Variants in NCOA1 observed in about 807,000 individuals in gnomAD.
The protein encoded by NCOA1 is Hin-2 protein.
A neutral mutation model predicts 150.9 loss-of-function variants in NCOA1; 35 were observed. The ratio of observed to expected loss-of-function variants is 0.23; its 90% CI spans 0.18 to 0.31. NCOA1 has a LOEUF of 0.31. NCOA1 is among the 10% of genes least tolerant of loss of function. The pLI, the probability that NCOA1 is intolerant of heterozygous loss-of-function variation, is 1.00. For missense variants in NCOA1, 1,491 were observed against 1,749.3 expected, an observed-to-expected ratio of 0.85 and a Z score of 2.63; for synonymous variants, 590 against 630.0, an observed-to-expected ratio of 0.94 and a Z score of 0.95.
chr2:24,554,341 T>A (rs1665983336), intron 1 of NCOA1: 1 of 152,250 alleles, frequency 6.6e-6, no homozygotes, highest in East Asian at 1.9e-4. Flanking sequence ...TATCCCTGAT[T>A]TTTTGTTTGT....
At chr2:24,649,002 C>A (rs920418) in intron 4 of NCOA1, among the ~76,000 whole-genome samples, 1 of 151,856 alleles carries the variant, frequency 6.6e-6, no homozygotes, top group East Asian at 1.9e-4. Flanking sequence ...GTTCTGGCTT[C>A]TAGCTGTTTT....
At position 24,707,740 on chromosome 2, in the gene NCOA1, A is replaced by G. The variant is rs778575553; in HGVS notation, c.2270A>G (p.Glu757Gly). The change falls in exon 13 of 23, where the codon GAG becomes GGG. Residue 757 changes from glutamate to glycine, a missense_variant. Physicochemically the swap from Glu to Gly is moderately conservative, Grantham distance 98 (BLOSUM62 -2). This residue lies in a region of NCOA1 where 703 missense variants were observed against 717.7 expected (regional missense o/e 0.98). Transcript: ENST00000348332. ...CTACGCTATCTTTTAGATAAAGATGAGAAAGATTTAAGATCAACTCCAAAC... is the reference window on the plus strand; with the variant it reads ...CTACGCTATCTTTTAGATAAAGATGGGAAAGATTTAAGATCAACTCCAAAC... Reference protein sequence around the residue: ...QLLRYLLDKDEKDLRSTPNLS... With the variant: ...QLLRYLLDKDGKDLRSTPNLS... The G allele has an allele frequency of 1.8e-5, 29 of 1,614,092 alleles. No homozygotes were observed. The Admixed American group carries it at 4.7e-4, about 26-fold the overall frequency.
chr2:24,538,282 A>G (rs1255875699), intron 1 of NCOA1, among the ~76,000 whole-genome samples: 1 of 152,246 alleles, frequency 6.6e-6, no homozygotes, highest in Non-Finnish European at 1.5e-5. Context: ...AAGTCTTGGC[A>G]GAATGCTCAT....
chr2:24,708,295 A>G (rs1673564492), intron 13 of NCOA1, among the ~76,000 whole-genome samples: 1 of 152,202 alleles, frequency 6.6e-6, no homozygotes. Context: ...GAGATGGACA[A>G]GGTTACTTAG....
At chr2:24,629,914 G>A (rs983856538) in intron 3 of NCOA1, among the ~76,000 whole-genome samples, 2 of 147,772 alleles carry the variant, frequency 1.4e-5, no homozygotes, top group Admixed American at 1.4e-4. Flanking sequence ...CGTGATCTCG[G>A]CTCACTGCAA....
intron 5 of NCOA1, among the ~76,000 whole-genome samples, chr2:24,664,537 C>T (rs190616818): frequency 9.9e-5 from 15 of 152,050 alleles, no homozygotes; most frequent in Non-Finnish European, 1.9e-4. Context: ...GGTGAAACCC[C>T]GTCTCTACTA....
At chr2:24,617,619 G>A (rs1038956745) in intron 3 of NCOA1, among the ~76,000 whole-genome samples, 1 of 152,034 alleles carries the variant, frequency 6.6e-6, no homozygotes, top group Non-Finnish European at 1.5e-5. Flanking sequence ...TGATTAATGT[G>A]TACGTAACTG....
chr2:24,649,817 G>A (rs1329429330), intron 4 of NCOA1, among the ~76,000 whole-genome samples: 2 of 151,838 alleles, frequency 1.3e-5, no homozygotes, highest in East Asian at 1.9e-4. Context: ...AAGCATTGTC[G>A]CTTAGTCTGT....
intron 21 of NCOA1, among the ~76,000 whole-genome samples, chr2:24,762,078 A>C (rs1042587859): frequency 6.6e-6 from 1 of 152,162 alleles, no homozygotes; most frequent in African/African-American, 2.4e-5. Context: ...CATCCCCTTA[A>C]CTCAGGGAGC....
intron 3 of NCOA1, among the ~76,000 whole-genome samples, chr2:24,599,458 A>C (rs540397888): frequency 6.6e-6 from 1 of 152,316 alleles, no homozygotes; most frequent in South Asian, 2.1e-4. Context: ...TGACAAAGCA[A>C]CAAAAACTGT....
intron 7 of NCOA1, among the ~76,000 whole-genome samples, chr2:24,676,580 C>T (rs1047110405): frequency 6.6e-6 from 1 of 152,142 alleles, no homozygotes; most frequent in African/African-American, 2.4e-5. Flanking sequence ...TTTTCTTAAC[C>T]TCCAAACAAC....
At position 24,752,633 on chromosome 2, in the gene NCOA1, A is replaced by AAT. The variant is rs1318202595; in HGVS notation, c.3881+478_3881+479dup. Among the ~76,000 whole-genome samples the AAT allele has an allele frequency of 2.0e-5, 3 of 152,196 alleles. No individual in the cohort carries two copies. The East Asian group carries it at 5.8e-4, about 29-fold the overall frequency. ...AGAGCTTCCCTGGGACAGACATAGAAATGGGTACTTTTTTAAAAGTTTTTC... is the reference window on the plus strand; with the variant it reads ...AGAGCTTCCCTGGGACAGACATAGAAATATGGGTACTTTTTTAAAAGTTTTTC... On this transcript the variant is annotated intron_variant, in intron 20 of 22. Transcript: ENST00000348332.
intron 4 of NCOA1, among the ~76,000 whole-genome samples, chr2:24,652,859 CT>C (rs56355348): frequency 0.053 from 8,135 of 152,128 alleles, 300 homozygotes; most frequent in East Asian, 0.19. Context: ...CTTAATGATT[CT>C]TATTTAAGTA....
intron 10 of NCOA1, among the ~76,000 whole-genome samples, chr2:24,697,009 T>G (rs1672937329): frequency 6.6e-6 from 1 of 152,132 alleles, no homozygotes; most frequent in East Asian, 1.9e-4. Flanking sequence ...ATAACTTACC[T>G]GAATTCTCTC....
chr2:24,528,920 A>G (rs1055209075), intron 1 of NCOA1, among the ~76,000 whole-genome samples: 35 of 151,472 alleles, frequency 2.3e-4, no homozygotes, highest in African/African-American at 7.5e-4. Context: ...AGTCTCTCAC[A>G]TTCTTGCCCA....
chr2:24,521,768 TTGA>T (rs1301627262), intron 1 of NCOA1, among the ~76,000 whole-genome samples: 2 of 152,226 alleles, frequency 1.3e-5, no homozygotes, highest in Admixed American at 1.3e-4. Flanking sequence ...GCTGGATCAT[TTGA>T]TAACTCTGAT....
intron 11 of NCOA1, among the ~76,000 whole-genome samples, chr2:24,700,948 G>C (rs1673129089): frequency 6.6e-6 from 1 of 152,152 alleles, no homozygotes; most frequent in Non-Finnish European, 1.5e-5. Flanking sequence ...CACTTTAGGT[G>C]ATTTATAAGA....
In NCOA1 at chr2:24,707,011, C is replaced by T. The variant is rs1445613730; in HGVS notation, c.1541C>T (p.Thr514Ile). 1 of 1,614,050 alleles carries T rather than the reference C, an allele frequency of 6.2e-7. No homozygotes were observed. The highest frequency in any genetic ancestry group is 8.5e-7 in the Non-Finnish European group (1 of 1,180,024). Residue 514 changes from threonine (T) to isoleucine (I), a missense_variant, in exon 13 of 23, where the codon ACA (threonine) becomes ATA (isoleucine). Thr to Ile is a moderately conservative substitution (Grantham distance 89, BLOSUM62 -1). Transcript: ENST00000348332. ...PNNSFPPNIS[T>I]LSSPVGMTSS... ...AATTCCTTTCCTCCTAATATTTCGA[C>T]ATTAAGCTCTCCCGTTGGCATGACA...
intron 14 of NCOA1, among the ~76,000 whole-genome samples, chr2:24,715,906 G>T (rs1458885322): frequency 2.0e-5 from 3 of 152,168 alleles, no homozygotes; most frequent in Non-Finnish European, 4.4e-5. Context: ...ACTTTGGGAG[G>T]CCGAGGCAGG....
Sources: allele counts gnomAD v4.1 joint callset (sites outside exome capture counted in the v4.1 genomes callset), GRCh38; gene constraint gnomAD v4.1.1; regional missense constraint gnomAD v4.1.1; transcripts MANE v1.5; gene names NCBI Gene and HGNC (gene_info 2026-07-23, HGNC 2026-07-21).